Variants in KLKB1 observed in about 807,000 individuals in gnomAD.
The protein encoded by KLKB1 is kallikrein B1.
A neutral mutation model predicts 73.6 loss-of-function variants in KLKB1; 58 were observed. The observed-to-expected ratio is 0.79, with a 90% CI of 0.64 to 0.98. The LOEUF (loss-of-function observed/expected upper bound fraction) is 0.98, where lower values mean the gene tolerates loss of function less well. Ranked by LOEUF, KLKB1 falls within the 50% of genes least tolerant of loss-of-function variation. The probability of loss-of-function intolerance (pLI) is 0.00; values close to 1 mark genes in which losing one functional copy is unlikely to be tolerated. For synonymous variants in KLKB1, 280 were observed against 258.1 expected, an observed-to-expected ratio of 1.08 and a Z score of -0.81; for missense variants, 737 against 763.8, an observed-to-expected ratio of 0.96 and a Z score of 0.41.
intron 6 of KLKB1, among the ~76,000 whole-genome samples, chr4:186,247,477 C>T (rs1039780016): frequency 6.6e-5 from 10 of 152,102 alleles, no homozygotes; most frequent in African/African-American, 2.2e-4. Context: ...CACAAGGTAA[C>T]GTCATCAGTT....
chr4:186,211,210 A>C (rs1416291727), intron 2 of KLKB1: 1 of 153,148 alleles, frequency 6.5e-6, no homozygotes, highest in African/African-American at 2.4e-5. Context: ...TAATTGTGTC[A>C]GCACCCAAAT....
chr4:186,215,591 A>G (rs1484862536), intron 2 of KLKB1, among the ~76,000 whole-genome samples: 1 of 151,498 alleles, frequency 6.6e-6, no homozygotes, highest in Admixed American at 6.6e-5. Flanking sequence ...TTATCTATCT[A>G]TCTATTTTTT....
chr4:186,218,858 C>T (rs1679859149), intron 2 of KLKB1, among the ~76,000 whole-genome samples: 3 of 152,158 alleles, frequency 2.0e-5, no homozygotes, highest in Non-Finnish European at 4.4e-5. Context: ...CCACAATAGT[C>T]TGCCTGCAGG....
intron 4 of KLKB1, 29 bp downstream of exon 4, chr4:186,234,087 G>A: frequency 6.6e-7 from 1 of 1,509,908 alleles, no homozygotes; most frequent in African/African-American, 1.4e-5. Context: ...AGCTACATTT[G>A]AGTTAATATT....
At chr4:186,237,963 G>A (rs909215585) in intron 5 of KLKB1, among the ~76,000 whole-genome samples, 22 of 152,022 alleles carry the variant, frequency 1.4e-4, no homozygotes, top group African/African-American at 4.8e-4. Context: ...TCGCTTTCCT[G>A]AAGCGAATTT....
At chr4:186,236,183 G>T (rs1737683700) in intron 4 of KLKB1, among the ~76,000 whole-genome samples, 1 of 151,208 alleles carries the variant, frequency 6.6e-6, no homozygotes, top group South Asian at 2.1e-4. Context: ...TGTATCTTTT[G>T]CATGTAAGAC....
chr4:186,219,319 C>T lies in KLKB1; in HGVS notation c.201+10047C>T, dbSNP rs141406126. Reference sequence around the variant, plus strand: ...CACCCCTTGTCTACTTGAACCCATACGCATCTCCTGAAATCATATATAATC... The same window carrying T: ...CACCCCTTGTCTACTTGAACCCATATGCATCTCCTGAAATCATATATAATC... On this transcript the variant is annotated intron_variant, in intron 2 of 14. Coordinates refer to the KLKB1 transcript ENST00000511608. Among the ~76,000 whole-genome samples the T allele has an allele frequency of 3.9e-4, 59 of 152,194 alleles. No homozygotes were observed. The East Asian group carries it at 8.1e-3, about 21-fold the overall frequency.
intron 2 of KLKB1, among the ~76,000 whole-genome samples, chr4:186,220,213 A>T (rs1737003669): frequency 6.6e-6 from 1 of 152,080 alleles, no homozygotes; most frequent in African/African-American, 2.4e-5. Context: ...TAGACCTGTG[A>T]ATCCTGGCTA....
chr4:186,235,492 TC>T (rs4253345), intron 4 of KLKB1, among the ~76,000 whole-genome samples: 1,757 of 152,330 alleles, frequency 0.012, 36 homozygotes, highest in African/African-American at 0.04. Flanking sequence ...CCTGTTCTTT[TC>T]TCACATGCAG....
At chr4:186,247,875 G>A (rs984058361) in intron 6 of KLKB1, among the ~76,000 whole-genome samples, 10 of 152,200 alleles carry the variant, frequency 6.6e-5, no homozygotes, top group South Asian at 2.1e-4. Context: ...GTACAACTCC[G>A]TGGTTTTTAG....
chr4:186,256,130 C>T lies in KLKB1; in HGVS notation c.1585+43C>T, dbSNP rs766644199. On this transcript the variant is annotated intron_variant, in intron 13 of 14. Coordinates refer to ENST00000264690, the MANE Select transcript of KLKB1 (RefSeq NM_000892.5). ...AATATTGCTTCTAGAGTAAGTCTCACATGTTGAAATACATGGAGTGGGTCG... is the reference window on the plus strand; with the variant it reads ...AATATTGCTTCTAGAGTAAGTCTCATATGTTGAAATACATGGAGTGGGTCG... 3.2e-6 allele frequency: 4 copies of T among 1,262,834 alleles called. No homozygotes were observed. In the East Asian group the frequency reaches 7.0e-5, roughly 22 times the overall value. The allele number at this position is 1,262,834 out of a possible 1,614,324, so 78.2% of individuals were successfully genotyped here. A position where few individuals can be genotyped will look rare whatever the true frequency, so the allele number is the denominator to read the frequency against.
At chr4:186,224,822 G>T (rs1181130369), upstream of KLKB1, among the ~76,000 whole-genome samples, 4 of 152,152 alleles carry the variant, frequency 2.6e-5, no homozygotes, top group Non-Finnish European at 5.9e-5. Flanking sequence ...AAAGGCCAGG[G>T]GAAGAATGAT....
upstream of KLKB1, among the ~76,000 whole-genome samples, chr4:186,222,052 C>G (rs562598774): frequency 3.9e-5 from 6 of 152,280 alleles, no homozygotes; most frequent in South Asian, 4.1e-4. Flanking sequence ...GACTTAAACT[C>G]TATCTCATCT....
In KLKB1 at chr4:186,258,270, C is replaced by A; in HGVS notation, c.*58C>A. ...CCTGAGTTCAAGTCAAATTCTGAGC[C>A]TGGGGGGTCCTCATCTGCAAAGCAT... On this transcript the variant is annotated 3_prime_UTR_variant, in exon 15 of 15. Coordinates refer to ENST00000264690, the MANE Select transcript of KLKB1 (RefSeq NM_000892.5). The A allele has an allele frequency of 7.0e-7, 1 of 1,423,024 alleles. No individual in the cohort carries two copies. The highest frequency in any genetic ancestry group is 9.8e-7 in the Non-Finnish European group (1 of 1,021,836). 88.1% of individuals were successfully genotyped at this position (1,423,024 alleles called of 1,614,324 possible).
intron 5 of KLKB1, among the ~76,000 whole-genome samples, chr4:186,237,279 A>G (rs4253253): frequency 0.29 from 43,618 of 151,758 alleles, 7,469 homozygotes; most frequent in Non-Finnish European, 0.37. Context: ...TTGTATTTTT[A>G]GTAGAGTCGG....
chr4:186,232,090 G>T, intron 2 of KLKB1, 37 bp from the exon 3 acceptor site: 1 of 1,541,404 alleles, frequency 6.5e-7, no homozygotes, highest in South Asian at 1.2e-5. Context: ...ATTATTATAT[G>T]AATTATCGCA....
At chr4:186,223,565 A>T (rs1737077040), upstream of KLKB1, among the ~76,000 whole-genome samples, 2 of 152,202 alleles carry the variant, frequency 1.3e-5, no homozygotes, top group South Asian at 4.1e-4. Flanking sequence ...TGGAGCTTTG[A>T]ACTTGAGAGA....
intron 12 of KLKB1, among the ~76,000 whole-genome samples, chr4:186,255,415 C>A (rs1224238579): frequency 6.6e-6 from 1 of 152,022 alleles, no homozygotes; most frequent in African/African-American, 2.4e-5. Context: ...TAGAAAAAAA[C>A]AATTAACTGG....
In KLKB1 at chr4:186,245,805, TTTTTTTGTTTGTTTTTTGG is replaced by T. The variant is rs1372364879; in HGVS notation, c.599-4431_599-4413del. On this transcript the variant is annotated intron_variant, in intron 6 of 14. Transcript: ENST00000264690. The stretch of plus-strand genomic sequence containing the variant: ...GGGCTGGAATCTAATTTTTGGAGTT[TTTTTTTGTTTGTTTTTTGG>T]TTTTTTTTTTTTAATGTCAGGAGCT... Among the ~76,000 whole-genome samples the T allele has an allele frequency of 1.0e-4, 9 of 89,196 alleles. 2 individuals are homozygous for T. The highest frequency in any genetic ancestry group is 1.1e-3 in the East Asian group (2 of 1,848). 58.5% of individuals were successfully genotyped at this position (89,196 alleles called of 152,430 possible).
Sources: allele counts gnomAD v4.1 joint callset (sites outside exome capture counted in the v4.1 genomes callset), GRCh38; gene constraint gnomAD v4.1.1; transcripts MANE v1.5; gene names NCBI Gene and HGNC (gene_info 2026-07-23, HGNC 2026-07-21).